Variants in DACH1 observed in about 807,000 individuals in gnomAD.
DACH1 encodes dachshund homolog 1.
A neutral mutation model predicts 54.2 loss-of-function variants in DACH1; 12 were observed. The observed-to-expected ratio is 0.22, with a 90% CI of 0.14 to 0.36. The LOEUF is 0.36. Ranked by LOEUF, DACH1 falls within the 10% of genes least tolerant of loss-of-function variation. DACH1 has a pLI of 1.00. For missense variants in DACH1, 805 were observed against 929.8 expected, an observed-to-expected ratio of 0.87 and a Z score of 1.75; for synonymous variants, 386 against 366.2, an observed-to-expected ratio of 1.05 and a Z score of -0.62.
intron 10 of DACH1, among the ~76,000 whole-genome samples, chr13:71,466,079 C>T (rs1192205682): frequency 6.6e-6 from 1 of 152,124 alleles, no homozygotes; most frequent in East Asian, 1.9e-4. Context: ...GTTTATTTTG[C>T]ATGTTTATAC....
At chr13:71,722,382 A>G (rs1305423150) in intron 1 of DACH1, among the ~76,000 whole-genome samples, 1 of 152,186 alleles carries the variant, frequency 6.6e-6, no homozygotes, top group Non-Finnish European at 1.5e-5. Context: ...GGTGGAATAT[A>G]ACAAGTCCTT....
chr13:71,608,817 T>C (rs1566375340), intron 3 of DACH1, among the ~76,000 whole-genome samples: 2 of 152,112 alleles, frequency 1.3e-5, no homozygotes, highest in Admixed American at 6.6e-5. Context: ...ATAGGAGCTT[T>C]TGCAAACTTT....
At chr13:71,835,497 C>A (rs1251355486) in intron 1 of DACH1, among the ~76,000 whole-genome samples, 2 of 152,136 alleles carry the variant, frequency 1.3e-5, no homozygotes, top group African/African-American at 4.8e-5. Flanking sequence ...GTCTTGTCTC[C>A]TAAAATTATC....
chr13:71,525,552 T>A (rs1881897726), intron 6 of DACH1, among the ~76,000 whole-genome samples: 2 of 152,118 alleles, frequency 1.3e-5, no homozygotes, highest in African/African-American at 2.4e-5. Context: ...TTGGAAATAT[T>A]CCCATAATCT....
chr13:71,670,077 A>G (rs545352225), intron 2 of DACH1, among the ~76,000 whole-genome samples: 1 of 152,118 alleles, frequency 6.6e-6, no homozygotes, highest in Non-Finnish European at 1.5e-5. Context: ...GGTCTGTGGC[A>G]ACTTTAATTA....
intron 1 of DACH1, among the ~76,000 whole-genome samples, chr13:71,748,914 T>C (rs1370531861): frequency 0.11 from 4,896 of 42,894 alleles, 510 homozygotes; most frequent in African/African-American, 0.21. Flanking sequence ...CTTTCTTTCT[T>C]TCTTTCTTTC....
chr13:71,588,928 G>C (rs1873484450), intron 3 of DACH1, among the ~76,000 whole-genome samples: 1 of 151,754 alleles, frequency 6.6e-6, no homozygotes, highest in Non-Finnish European at 1.5e-5. Flanking sequence ...TAAATATAGC[G>C]AGATGTTTAA....
chr13:71,601,201 C>T (rs1180828211), intron 3 of DACH1, among the ~76,000 whole-genome samples: 1 of 151,964 alleles, frequency 6.6e-6, no homozygotes, highest in Non-Finnish European at 1.5e-5. Context: ...TGCACCTCTT[C>T]GATCTCTTTC....
intron 1 of DACH1, among the ~76,000 whole-genome samples, chr13:71,753,258 C>T (rs938332191): frequency 1.3e-5 from 2 of 152,044 alleles, no homozygotes; most frequent in Admixed American, 1.3e-4. Context: ...CAGACAGCTC[C>T]AATATGGTAC....
At chr13:71,744,848 T>A (rs1884541327) in intron 1 of DACH1, among the ~76,000 whole-genome samples, 1 of 152,206 alleles carries the variant, frequency 6.6e-6, no homozygotes, top group African/African-American at 2.4e-5. Context: ...AACTCTAGAA[T>A]TTTTCTTTAA....
intron 2 of DACH1, among the ~76,000 whole-genome samples, chr13:71,669,418 T>A (rs1361872831): frequency 6.6e-6 from 1 of 152,174 alleles, no homozygotes; most frequent in Non-Finnish European, 1.5e-5. Context: ...CTTATGAGAA[T>A]CTAATGCCTG....
chr13:71,722,239 T>G (rs951186026), intron 1 of DACH1, among the ~76,000 whole-genome samples: 1 of 152,214 alleles, frequency 6.6e-6, no homozygotes, highest in African/African-American at 2.4e-5. Context: ...GTTTTCTTAC[T>G]AACTCCCTCC....
intron 6 of DACH1, among the ~76,000 whole-genome samples, chr13:71,491,550 G>A (rs73519001): frequency 0.031 from 4,791 of 152,140 alleles, 171 homozygotes; most frequent in African/African-American, 0.09. Context: ...AAGAGACTAC[G>A]TAAGGACGCT....
At chr13:71,623,541 A>G (rs1876407705) in intron 3 of DACH1, among the ~76,000 whole-genome samples, 1 of 151,788 alleles carries the variant, frequency 6.6e-6, no homozygotes, top group Non-Finnish European at 1.5e-5. Flanking sequence ...CTTGCATAAT[A>G]TGTAAATAGA....
At position 71,438,547 on chromosome 13, in the gene DACH1, A is replaced by G. The variant is rs957801280; in HGVS notation, c.*2108T>C. 1.3e-5 allele frequency: 2 copies of G among 152,542 alleles called. No individual in the cohort carries two copies. Among genetic ancestry groups the G allele is most frequent in the African/African-American group, 2.4e-5 (1 of 41,566 alleles). 9.4% of individuals were successfully genotyped at this position (152,542 alleles called of 1,614,324 possible). The stretch of plus-strand genomic sequence containing the variant: ...CCTTTTATTTCAAATCAAACACTAA[A>G]GCATTCTCAAAGGTCTTCAAATATG... On this transcript the variant is annotated 3_prime_UTR_variant, in exon 11 of 11. Coordinates refer to ENST00000613252, the MANE Select transcript of DACH1 (RefSeq NM_080759.6).
chr13:71,751,839 T>G (rs567753521), intron 1 of DACH1, among the ~76,000 whole-genome samples: 2 of 152,300 alleles, frequency 1.3e-5, no homozygotes, highest in East Asian at 3.9e-4. Flanking sequence ...GAACTTAGTA[T>G]TTCTACAAAA....
At position 71,451,012 on chromosome 13, in the gene DACH1, A is replaced by G. The variant is rs144820257; in HGVS notation, c.2084-10320T>C. Among the ~76,000 whole-genome samples the G allele has an allele frequency of 1.4e-3, 220 of 152,300 alleles. 1 individual carries two copies. The highest frequency in any genetic ancestry group is 5.1e-3 in the African/African-American group (212 of 41,570). Reference sequence around the variant, plus strand: ...TGAATGTTCTTAAAACTGTATTACCATAACAACAACCAAGCAAAATTAACA... The same window carrying G: ...TGAATGTTCTTAAAACTGTATTACCGTAACAACAACCAAGCAAAATTAACA... On this transcript the variant is annotated intron_variant, in intron 10 of 10. Coordinates refer to ENST00000613252, the MANE Select transcript of DACH1 (RefSeq NM_080759.6).
chr13:71,830,029 G>A (rs1254461904), intron 1 of DACH1, among the ~76,000 whole-genome samples: 3 of 151,754 alleles, frequency 2.0e-5, no homozygotes, highest in African/African-American at 4.8e-5. Flanking sequence ...CACTATAAAT[G>A]ATCAATGATA....
intron 1 of DACH1, among the ~76,000 whole-genome samples, chr13:71,743,085 T>G (rs1300286104): frequency 1.3e-5 from 2 of 152,102 alleles, no homozygotes; most frequent in African/African-American, 4.8e-5. Flanking sequence ...AGTTTCCAAT[T>G]GCATAGAGAC....
Sources: allele counts gnomAD v4.1 joint callset (sites outside exome capture counted in the v4.1 genomes callset), GRCh38; gene constraint gnomAD v4.1.1; transcripts MANE v1.5; gene names NCBI Gene and HGNC (gene_info 2026-07-23, HGNC 2026-07-21).